The following SHISA9 variants were observed in gnomAD, a reference collection of about 807,000 sequenced individuals.
The protein encoded by SHISA9 is protein shisa-9.
In SHISA9, 13 loss-of-function variants were observed where a neutral mutation model predicts 38.0. The ratio of observed to expected loss-of-function variants is 0.34; its 90% CI spans 0.22 to 0.54. The LOEUF (loss-of-function observed/expected upper bound fraction) is 0.54. SHISA9 is among the 20% of genes least tolerant of loss of function. SHISA9 has a pLI of 0.91. For synonymous variants in SHISA9, 275 were observed against 242.0 expected (o/e 1.14, Z -1.27); for missense variants, 538 against 575.8 (o/e 0.93, Z 0.67).
chr16:13,109,834 G>C (rs908802301), intron 2 of SHISA9, among the ~76,000 whole-genome samples: 2 of 152,146 alleles, frequency 1.3e-5, no homozygotes, highest in East Asian at 1.9e-4. Context: ...GTCTTAGCAG[G>C]TATAAATTCT....
chr16:12,952,058 T>G (rs145603994), intron 2 of SHISA9, among the ~76,000 whole-genome samples: 1 of 152,368 alleles, frequency 6.6e-6, no homozygotes, highest in African/African-American at 2.4e-5. Context: ...ATGATTTTTT[T>G]TTGTTTTAAA....
In SHISA9 at chr16:12,984,470, C is replaced by T. The variant is rs556599590; in HGVS notation, c.691+67655C>T. 1.3e-4 allele frequency among the ~76,000 whole-genome samples: 20 copies of T among 152,272 alleles called. No individual in the cohort carries two copies. The South Asian group carries it at 4.1e-3, about 32-fold the overall frequency. On this transcript the variant is annotated intron_variant, in intron 2 of 4. Transcript: ENST00000558583. ...AAGCTGAATATCCAGGGGCAAGTTACTCCATGACGTGTCTCTCTCTAGAGG... is the reference window on the plus strand; with the variant it reads ...AAGCTGAATATCCAGGGGCAAGTTATTCCATGACGTGTCTCTCTCTAGAGG...
At chr16:13,108,018 A>C (rs1230894) in intron 2 of SHISA9, among the ~76,000 whole-genome samples, 1 of 151,960 alleles carries the variant, frequency 6.6e-6, no homozygotes, top group African/African-American at 2.4e-5. Flanking sequence ...GACAATGAGT[A>C]TGTAATATGT....
At chr16:13,015,890 C>CTTTCTTTCTTTCT (rs1555454827) in intron 2 of SHISA9, among the ~76,000 whole-genome samples, 2 of 117,034 alleles carry the variant, frequency 1.7e-5, no homozygotes, top group Admixed American at 8.7e-5. Context: ...TTCTTTCTTT[C>CTTTCTTTCTTTCT]TTTCTTTCTT....
At chr16:13,370,817 A>G in the SHISA9 span, among the ~76,000 whole-genome samples, 4 of 152,150 alleles carry the variant, frequency 2.6e-5, no homozygotes, top group Admixed American at 6.5e-5. Flanking sequence ...CTAGTCTGAA[A>G]GAGAGGCTGG....
At chr16:13,240,896 A>T (rs1166789510), downstream of SHISA9, among the ~76,000 whole-genome samples, 1 of 151,784 alleles carries the variant, frequency 6.6e-6, no homozygotes, top group Non-Finnish European at 1.5e-5. Flanking sequence ...TGGTTCCTCC[A>T]GAAAGAGGCT....
At chr16:13,269,206 G>T in the SHISA9 span, among the ~76,000 whole-genome samples, 1 of 152,160 alleles carries the variant, frequency 6.6e-6, no homozygotes, top group Non-Finnish European at 1.5e-5. Context: ...GGCTTTTGTG[G>T]CACCTATGCA....
intron 4 of SHISA9, among the ~76,000 whole-genome samples, chr16:13,233,688 GGCTATAGTTT>G (rs1453168809): frequency 1.3e-5 from 2 of 152,190 alleles, no homozygotes; most frequent in Admixed American, 1.3e-4. Flanking sequence ...TGGCCCCGTG[GGCTATAGTTT>G]GCCAATCCCT....
At chr16:13,174,204 G>A (rs76516894) in intron 2 of SHISA9, among the ~76,000 whole-genome samples, 2,695 of 152,202 alleles carry the variant, frequency 0.018, 42 homozygotes, top group Non-Finnish European at 0.027. Flanking sequence ...TTTGTTTTCT[G>A]GGTTTTAATT....
the SHISA9 span, among the ~76,000 whole-genome samples, chr16:13,383,431 G>A: frequency 6.6e-6 from 1 of 152,190 alleles, no homozygotes; most frequent in African/African-American, 2.4e-5. Context: ...GGGAAGAATA[G>A]TATTCTGCCA....
the SHISA9 span, among the ~76,000 whole-genome samples, chr16:13,529,779 C>T: frequency 6.6e-6 from 1 of 152,228 alleles, no homozygotes; most frequent in African/African-American, 2.4e-5. Flanking sequence ...TTTCTTTCTT[C>T]CTCATAGAAG....
At chr16:13,037,253 C>T (rs1353132567) in intron 2 of SHISA9, among the ~76,000 whole-genome samples, 1 of 152,022 alleles carries the variant, frequency 6.6e-6, no homozygotes, top group African/African-American at 2.4e-5. Flanking sequence ...AATTGGTCGG[C>T]AGGCAAGCGG....
chr16:13,531,709 C>A, the SHISA9 span, among the ~76,000 whole-genome samples: 3 of 152,102 alleles, frequency 2.0e-5, no homozygotes, highest in African/African-American at 7.2e-5. Flanking sequence ...GATGTATGAG[C>A]AATCTCAAGT....
At chr16:13,392,237 T>C in the SHISA9 span, among the ~76,000 whole-genome samples, 1 of 152,204 alleles carries the variant, frequency 6.6e-6, no homozygotes, top group Non-Finnish European at 1.5e-5. Context: ...GTTTTGGAAA[T>C]AGACTCTTTG....
chr16:13,554,104 T>C, the SHISA9 span, among the ~76,000 whole-genome samples: 1 of 152,250 alleles, frequency 6.6e-6, no homozygotes, highest in East Asian at 1.9e-4. Flanking sequence ...TCTATTCCTT[T>C]TTCCTCTTGG....
In SHISA9 at chr16:13,069,453, CAA is replaced by C. The variant is rs534252716; in HGVS notation, c.692-133939_692-133938del. 4.2e-3 allele frequency among the ~76,000 whole-genome samples: 615 copies of C among 147,112 alleles called. 1 individual carries two copies. The highest frequency in any genetic ancestry group is 7.2e-3 in the Non-Finnish European group (491 of 67,794). On this transcript the variant is annotated intron_variant, in intron 2 of 4. Coordinates refer to ENST00000558583, the MANE Select transcript of SHISA9 (RefSeq NM_001145204.3). ...GTATGTGTATATGTGTGTGTACACACAAAGTATGCATGTGTATGTGTATATGT... is the reference window on the plus strand; with the variant it reads ...GTATGTGTATATGTGTGTGTACACACAGTATGCATGTGTATGTGTATATGT...
At chr16:12,916,919 T>G (rs1344719716) in intron 2 of SHISA9, 104 bp downstream of exon 2, 1 of 1,281,024 alleles carries the variant, frequency 7.8e-7, no homozygotes, top group Non-Finnish European at 1.0e-6. Flanking sequence ...AAGAGCTCTT[T>G]GTGGGCAAGT....
At chr16:13,427,873 C>G in the SHISA9 span, among the ~76,000 whole-genome samples, 1 of 152,304 alleles carries the variant, frequency 6.6e-6, no homozygotes, top group African/African-American at 2.4e-5. Flanking sequence ...AAAGCCTTAT[C>G]TTCTATAGAA....
At chr16:12,927,386 C>T (rs1596533567) in intron 2 of SHISA9, among the ~76,000 whole-genome samples, 1 of 152,048 alleles carries the variant, frequency 6.6e-6, no homozygotes. Context: ...AATCTCAAAG[C>T]ATAGCTGTTT....
Sources: allele counts gnomAD v4.1 joint callset (sites outside exome capture counted in the v4.1 genomes callset), GRCh38; gene constraint gnomAD v4.1.1; transcripts MANE v1.5; gene names NCBI Gene and HGNC (gene_info 2026-07-23, HGNC 2026-07-21).